The following NDUFA12 variants were observed in gnomAD, a reference collection of about 807,000 sequenced individuals.
The protein encoded by NDUFA12 is NADH:ubiquinone oxidoreductase subunit A12, also known as NADH dehydrogenase [ubiquinone] 1 alpha subcomplex subunit 12.
NDUFA12 carries 17 observed loss-of-function variants against 20.3 expected under a neutral mutation model. The observed-to-expected ratio is 0.84, with a 90% confidence interval of 0.57 to 1.26. NDUFA12 has a LOEUF of 1.26. NDUFA12 is among the 50% of genes most tolerant of loss of function. The pLI is 0.00. For missense variants in NDUFA12, 191 were observed against 183.7 expected, an observed-to-expected ratio of 1.04 and a Z score of -0.23; for synonymous variants, 72 against 63.6, an observed-to-expected ratio of 1.13 and a Z score of -0.63.
chr12:94,971,641 C>A, intron 3 of NDUFA12, 21 bp from the exon 4 acceptor site: 1 of 1,613,762 alleles, frequency 6.2e-7, no homozygotes, highest in South Asian at 1.1e-5. Context: ...GGAAAAAACC[C>A]AAACAGTTAT....
intron 3 of NDUFA12, among the ~76,000 whole-genome samples, chr12:94,991,219 G>A (rs752683065): frequency 3.9e-5 from 6 of 151,944 alleles, no homozygotes; most frequent in East Asian, 1.9e-4. Flanking sequence ...CCAGGAAGTC[G>A]AGACTGATTG....
chr12:94,972,797 A>C (rs1462303237), intron 3 of NDUFA12, among the ~76,000 whole-genome samples: 4 of 152,228 alleles, frequency 2.6e-5, no homozygotes, highest in African/African-American at 9.7e-5. Flanking sequence ...TAAAAGCTGG[A>C]TACCTGGAGT....
At chr12:95,003,389 G>A (rs1314829041) in intron 1 of NDUFA12, among the ~76,000 whole-genome samples, 2 of 152,204 alleles carry the variant, frequency 1.3e-5, no homozygotes, top group African/African-American at 4.8e-5. Context: ...CCGAGTCACA[G>A]CTCTGACTCT....
At chr12:94,986,785 T>C (rs1874459333) in intron 3 of NDUFA12, among the ~76,000 whole-genome samples, 1 of 152,040 alleles carries the variant, frequency 6.6e-6, no homozygotes, top group African/African-American at 2.4e-5. Flanking sequence ...AGTGAGACCC[T>C]ATCTCAAATA....
In NDUFA12 at chr12:94,971,414, C is replaced by G. The variant is rs766816080; in HGVS notation, c.*26G>C. The G allele has an allele frequency of 5.0e-6, 8 of 1,607,596 alleles. No individual in the cohort carries two copies. The East Asian group carries it at 1.8e-4, about 36-fold the overall frequency. The stretch of plus-strand genomic sequence containing the variant: ...ATTACATGAAAAGCTCCATATTTTG[C>G]ATGTTTCAACTGTTCTTCATTGTCT... On this transcript the variant is annotated 3_prime_UTR_variant, in exon 4 of 4. Coordinates refer to ENST00000327772, the MANE Select transcript of NDUFA12 (RefSeq NM_018838.5).
chr12:94,990,146 T>C (rs901908648), intron 3 of NDUFA12, among the ~76,000 whole-genome samples: 7 of 152,058 alleles, frequency 4.6e-5, no homozygotes, highest in Non-Finnish European at 7.4e-5. Flanking sequence ...ACCTAGGTGA[T>C]AGGATGATCT....
chr12:95,003,534 C>T (rs535466314), intron 1 of NDUFA12, 61 bp downstream of exon 1: 1 of 1,568,126 alleles, frequency 6.4e-7, no homozygotes, highest in South Asian at 1.1e-5. Flanking sequence ...GGACCCCTTC[C>T]AAGAAATCAG....
At chr12:94,985,433 G>A (rs2136064599) in intron 3 of NDUFA12, among the ~76,000 whole-genome samples, 1 of 151,434 alleles carries the variant, frequency 6.6e-6, no homozygotes, top group East Asian at 2.0e-4. Context: ...CACAATCCTG[G>A]CTAACATGGT....
At chr12:94,972,070 A>G (rs1046002385) in intron 3 of NDUFA12, among the ~76,000 whole-genome samples, 1 of 152,206 alleles carries the variant, frequency 6.6e-6, no homozygotes, top group African/African-American at 2.4e-5. Flanking sequence ...CTACAAGAGC[A>G]TGCCACCACC....
At chr12:94,994,702 G>C (rs1361073899) in intron 2 of NDUFA12, among the ~76,000 whole-genome samples, 1 of 152,182 alleles carries the variant, frequency 6.6e-6, no homozygotes, top group Non-Finnish European at 1.5e-5. Context: ...AACCACCCTA[G>C]ATCCTTTTGG....
intron 2 of NDUFA12, among the ~76,000 whole-genome samples, chr12:94,998,116 C>A (rs1874896669): frequency 2.0e-5 from 3 of 151,824 alleles, no homozygotes; most frequent in African/African-American, 7.3e-5. Context: ...AACAGCATAT[C>A]AAAAAGATAA....
intron 3 of NDUFA12, among the ~76,000 whole-genome samples, chr12:94,984,472 T>C (rs527284570): frequency 7.9e-5 from 12 of 151,676 alleles, no homozygotes; most frequent in Admixed American, 7.2e-4. Flanking sequence ...GAGGTTGCGG[T>C]TGAGCTGAGA....
chr12:94,997,037 AT>A (rs1477644254), intron 2 of NDUFA12: 2 of 283,612 alleles, frequency 7.1e-6, no homozygotes, highest in African/African-American at 4.6e-5. Context: ...AAATTCTGTG[AT>A]TTATGTATTA....
At chr12:94,980,777 T>G (rs999921265) in intron 3 of NDUFA12, among the ~76,000 whole-genome samples, 14 of 151,232 alleles carry the variant, frequency 9.3e-5, no homozygotes, top group African/African-American at 2.9e-4. Flanking sequence ...ACGGTATACG[T>G]GCAATAGAGA....
At chr12:94,994,359 G>C in intron 2 of NDUFA12, 102 bp from the exon 3 acceptor site, 1 of 859,524 alleles carries the variant, frequency 1.2e-6, no homozygotes, top group Non-Finnish European at 1.9e-6. Context: ...AAGACTTTTT[G>C]TGATCTTATA....
intron 3 of NDUFA12, among the ~76,000 whole-genome samples, chr12:94,981,893 G>C (rs1438639899): frequency 1.3e-5 from 2 of 152,330 alleles, no homozygotes; most frequent in Non-Finnish European, 2.9e-5. Flanking sequence ...GGACTTAGCA[G>C]CCTTTACTGG....
intron 2 of NDUFA12, among the ~76,000 whole-genome samples, chr12:95,002,242 C>T (rs1340559070): frequency 6.6e-6 from 1 of 150,656 alleles, no homozygotes; most frequent in Non-Finnish European, 1.5e-5. Flanking sequence ...GAGTTCAAGA[C>T]CAGCCTGGCC....
intron 3 of NDUFA12, among the ~76,000 whole-genome samples, chr12:94,988,074 T>G (rs987657785): frequency 2.0e-5 from 3 of 152,196 alleles, no homozygotes; most frequent in African/African-American, 4.8e-5. Context: ...TTCTACTCCT[T>G]GTCCAATTCA....
At chr12:94,987,924 T>C (rs2136066082) in intron 3 of NDUFA12, among the ~76,000 whole-genome samples, 1 of 151,468 alleles carries the variant, frequency 6.6e-6, no homozygotes, top group African/African-American at 2.4e-5. Flanking sequence ...AAGGAAACTA[T>C]CATTCTACAT....
Sources: allele counts gnomAD v4.1 joint callset (sites outside exome capture counted in the v4.1 genomes callset), GRCh38; gene constraint gnomAD v4.1.1; transcripts MANE v1.5; gene names NCBI Gene and HGNC (gene_info 2026-07-23, HGNC 2026-07-21).